TRAF3IP3: variants seen among roughly 807,000 people sequenced by gnomAD.
TRAF3IP3 encodes TRAF3-interacting JNK-activating modulator.
In TRAF3IP3, 64 loss-of-function variants were observed where a neutral mutation model predicts 86.5. The observed-to-expected ratio is 0.74, with a 90% CI of 0.60 to 0.91. The LOEUF is 0.91. Among genes scored for constraint, TRAF3IP3 ranks in the 40% least tolerant of loss-of-function variants. TRAF3IP3 has a pLI of 0.00. For synonymous variants in TRAF3IP3, 220 were observed against 243.9 expected, an observed-to-expected ratio of 0.90 and a Z score of 0.91; for missense variants, 579 against 642.9, an observed-to-expected ratio of 0.90 and a Z score of 1.07.
chr1:209,768,863 G>A (rs1347849339), intron 8 of TRAF3IP3, among the ~76,000 whole-genome samples: 1 of 152,190 alleles, frequency 6.6e-6, no homozygotes, highest in Non-Finnish European at 1.5e-5. Flanking sequence ...GCAACAACTT[G>A]GCTGCGACTT....
At chr1:209,772,881 T>C (rs1260255196) in intron 8 of TRAF3IP3, 67 bp from the exon 9 acceptor site, 3 of 1,372,984 alleles carry the variant, frequency 2.2e-6, no homozygotes, top group Non-Finnish European at 2.1e-6. Context: ...AGAATAGGAA[T>C]ATAGAGTCAA....
At chr1:209,769,786 C>T (rs1334388429) in intron 8 of TRAF3IP3, among the ~76,000 whole-genome samples, 1 of 152,190 alleles carries the variant, frequency 6.6e-6, no homozygotes, top group East Asian at 1.9e-4. Flanking sequence ...CATGGCGTCT[C>T]GGGCCTAAAG....
chr1:209,771,456 T>G (rs62644009), intron 8 of TRAF3IP3, among the ~76,000 whole-genome samples: 3 of 131,914 alleles, frequency 2.3e-5, no homozygotes, highest in Admixed American at 7.7e-5. Flanking sequence ...TGTGTGTGCA[T>G]GTGAAGGTGT....
At chr1:209,771,502 G>GGTGTGTGTGTGAGAAGGT (rs139927430) in intron 8 of TRAF3IP3, among the ~76,000 whole-genome samples, 1 of 131,260 alleles carries the variant, frequency 7.6e-6, no homozygotes, top group African/African-American at 3.1e-5. Context: ...TGCATGTGAA[G>GGTGTGTGTGTGAGAAGGT]GTGTGTGTGA....
chr1:209,776,474 T>C (rs1439729447), intron 11 of TRAF3IP3: 2 of 152,196 alleles, frequency 1.3e-5, no homozygotes, highest in African/African-American at 4.8e-5. Context: ...GCCCACTTGA[T>C]AAGAGACAGA....
chr1:209,763,097 G>A lies in TRAF3IP3; in HGVS notation c.576+5G>A. The A allele has an allele frequency of 6.2e-7, 1 of 1,613,076 alleles. No individual in the cohort carries two copies. Among genetic ancestry groups the A allele is most frequent in the Non-Finnish European group, 8.5e-7 (1 of 1,179,366 alleles). On this transcript the variant is annotated splice_donor_5th_base_variant and intron_variant, in intron 6 of 16. Transcript: ENST00000367025. The stretch of plus-strand genomic sequence containing the variant: ...GGAGTTGCAGTTCTGGATAAGGTAA[G>A]CACATATTCACTTTGAAGGGGTCAA...
At chr1:209,770,236 T>A (rs541370742) in intron 8 of TRAF3IP3, among the ~76,000 whole-genome samples, 46 of 152,376 alleles carry the variant, frequency 3.0e-4, no homozygotes, top group Admixed American at 1.4e-3. Context: ...CACTCTGCTT[T>A]AATATCTCTC....
At chr1:209,778,302 C>T (rs2077702008) in intron 13 of TRAF3IP3, 129 bp downstream of exon 13, 1 of 654,406 alleles carries the variant, frequency 1.5e-6, no homozygotes, top group Non-Finnish European at 2.7e-6. Context: ...ACTTTCAGAC[C>T]CTCTTCTTGT....
chr1:209,770,780 G>GTT (rs1391551912), intron 8 of TRAF3IP3, among the ~76,000 whole-genome samples: 6 of 111,570 alleles, frequency 5.4e-5, no homozygotes, highest in African/African-American at 1.8e-4. Flanking sequence ...TGCCTATGGA[G>GTT]GTGTGTGTGT....
At chr1:209,765,762 G>C (rs1327091932) in intron 8 of TRAF3IP3, among the ~76,000 whole-genome samples, 1 of 151,920 alleles carries the variant, frequency 6.6e-6, no homozygotes, top group African/African-American at 2.4e-5. Context: ...TTAATGTCTG[G>C]CTGAAAAAAA....
In TRAF3IP3 at chr1:209,781,426, G is replaced by A. The variant is rs746144608; in HGVS notation, c.1531G>A (p.Glu511Lys). Residue 511 changes from glutamate to lysine, a missense_variant, in exon 16 of 17, where the codon GAG (glutamate) becomes AAG (lysine). Physicochemically the swap from Glu to Lys is moderately conservative, Grantham distance 56. Transcript: ENST00000367025. ...GCGTAAGCTGCAGCACTGTCGAGAA[G>A]AGCTGAACCAGAGCCAGCAGCTGCC... is the stretch of plus-strand genomic sequence containing the variant. ...CLRKLQHCRE[E>K]LNQSQQLPPR... 13 of 1,613,296 alleles carry A rather than the reference G, an allele frequency of 8.1e-6. No homozygotes were observed. Among genetic ancestry groups the A allele is most frequent in the Non-Finnish European group, 8.5e-7 (1 of 1,179,512 alleles).
intron 8 of TRAF3IP3, among the ~76,000 whole-genome samples, chr1:209,770,963 G>A (rs1476464977): frequency 1.7e-5 from 1 of 59,604 alleles, no homozygotes; most frequent in African/African-American, 6.4e-5. Flanking sequence ...CATGTGGAGG[G>A]GTGCGTGTGC....
chr1:209,780,592 G>A lies in TRAF3IP3; in HGVS notation c.1435G>A (p.Ala479Thr), dbSNP rs1032979701. Reference sequence around the variant, plus strand: ...GCAAAAGAAGACTTTGCAGCTCCAGGCCAAGGAAAAGGAGGTGAGAGGGTG... The same window carrying A: ...GCAAAAGAAGACTTTGCAGCTCCAGACCAAGGAAAAGGAGGTGAGAGGGTG... ...QLQKKTLQLQAKEKECRELHS... is the reference protein window; with the variant it reads ...QLQKKTLQLQTKEKECRELHS... Residue 479 changes from alanine to threonine, a missense_variant, in exon 15 of 17, where the codon GCC becomes ACC. Transcript: ENST00000367025. The A allele has an allele frequency of 4.4e-6, 7 of 1,590,592 alleles. No individual in the cohort carries two copies. The highest frequency in any genetic ancestry group is 5.1e-6 in the Non-Finnish European group (6 of 1,166,244).
At position 209,782,221 on chromosome 1, in the gene TRAF3IP3, A is replaced by G; in HGVS notation, c.*73A>G. ...AGCGAAAAACTCAGAAGGTTTGGGT[A>G]CATTACAGCTTGGGTTTTCCAACTG... On this transcript the variant is annotated 3_prime_UTR_variant, in exon 17 of 17. Coordinates refer to ENST00000367025, the MANE Select transcript of TRAF3IP3 (RefSeq NM_025228.4). 1.7e-6 allele frequency: 2 copies of G among 1,212,062 alleles called. No individual in the cohort carries two copies. Among genetic ancestry groups the G allele is most frequent in the South Asian group, 1.2e-5 (1 of 82,458 alleles). The allele number at this position is 1,212,062 out of a possible 1,614,324, so 75.1% of individuals were successfully genotyped here.
In TRAF3IP3 at chr1:209,770,402, G is replaced by T. The variant is rs567753861; in HGVS notation, c.703-2546G>T. The stretch of plus-strand genomic sequence containing the variant: ...GTGCATGTGGAGGTGTGTGTGTGCA[G>T]GTGGAGGTGTGTGTGTGCATGTGGA... On this transcript the variant is annotated intron_variant, in intron 8 of 16. Transcript: ENST00000367025. 4.4e-3 allele frequency among the ~76,000 whole-genome samples: 657 copies of T among 148,608 alleles called. 4 individuals carry two copies. Among genetic ancestry groups the T allele is most frequent in the African/African-American group, 0.015 (620 of 40,116 alleles).
rs374455160 is a variant in TRAF3IP3, at chr1:209,770,348, AGTGT to A, written c.703-2597_703-2594del. Among the ~76,000 whole-genome samples the A allele has an allele frequency of 2.8e-4, 40 of 144,736 alleles. 1 individual carries two copies. Among genetic ancestry groups the A allele is most frequent in the Admixed American group, 4.1e-4 (6 of 14,712 alleles). The allele number at this position is 144,736 out of a possible 152,430, so 95.0% of individuals were successfully genotyped here. On this transcript the variant is annotated intron_variant, in intron 8 of 16. Transcript: ENST00000367025. ...GTGGAGGTGTGTGTGTGGAGATGGA[AGTGT>A]GTATGTCCAGATGGAATTGTGCGTG... is the stretch of plus-strand genomic sequence containing the variant.
chr1:209,777,405 T>C lies in TRAF3IP3; in HGVS notation c.1107T>C (p.Asn369=). The C allele has an allele frequency of 1.2e-6, 2 of 1,613,770 alleles. No homozygotes were observed. The highest frequency in any genetic ancestry group is 8.5e-7 in the Non-Finnish European group (1 of 1,179,974). The change falls in exon 12 of 17, where the codon AAT becomes AAC. Residue 369 remains asparagine (N), a synonymous_variant. Transcript: ENST00000367025. ...QMNQALRFLE[N]EHQQLQAKIE... ...ACCAGGCCCTGCGATTTTTGGAAAA[T>C]GAGCACCAGCAACTGCAGGCCAAGA...
At chr1:209,765,207 GAGA>G (rs1237048170) in intron 8 of TRAF3IP3, among the ~76,000 whole-genome samples, 1 of 136,828 alleles carries the variant, frequency 7.3e-6, no homozygotes, top group Non-Finnish European at 1.5e-5. Flanking sequence ...GAGAGAGAGA[GAGA>G]GAGGGAGAGA....
intron 8 of TRAF3IP3, among the ~76,000 whole-genome samples, chr1:209,770,213 C>G (rs1206054890): frequency 7.1e-6 from 1 of 141,030 alleles, no homozygotes; most frequent in African/African-American, 2.4e-5. Flanking sequence ...TCCCTTACAC[C>G]CCCTGCCGCC....
Sources: allele counts gnomAD v4.1 joint callset (sites outside exome capture counted in the v4.1 genomes callset), GRCh38; gene constraint gnomAD v4.1.1; transcripts MANE v1.5; gene names NCBI Gene and HGNC (gene_info 2026-07-23, HGNC 2026-07-21).